The following SLC29A3 variants were observed in gnomAD, a reference collection of about 807,000 sequenced individuals.
The protein encoded by SLC29A3 is equilibrative nucleoside transporter 3.
In SLC29A3, 18 loss-of-function variants were observed where a neutral mutation model predicts 25.4. That is an observed-to-expected ratio of 0.71 (90% CI 0.49 to 1.05). SLC29A3 has a LOEUF of 1.05. Among genes scored for constraint, SLC29A3 ranks in the 50% least tolerant of loss-of-function variants. The pLI is 0.00. For synonymous variants in SLC29A3, 258 were observed against 267.1 expected (o/e 0.97, Z 0.33); for missense variants, 586 against 609.0 (o/e 0.96, Z 0.40).
rs1198226456 is a variant in SLC29A3, at chr10:71,362,730, C to T, written c.*122C>T. On this transcript the variant is annotated 3_prime_UTR_variant, in exon 6 of 6. Transcript: ENST00000373189. ...ACTTGGGGACAGAGAGCAGAGCACA[C>T]TCGGGCCTCATCCCTCCCAAGATGC... 1.5e-6 allele frequency: 2 copies of T among 1,334,950 alleles called. No individual in the cohort carries two copies. The highest frequency in any genetic ancestry group is 2.3e-5 in the East Asian group (1 of 42,608). The allele number at this position is 1,334,950 out of a possible 1,614,324, so 82.7% of individuals were successfully genotyped here.
At position 71,362,122 on chromosome 10, in the gene SLC29A3, C is replaced by T. The variant is rs371824043; in HGVS notation, c.942C>T (p.Tyr314=). 35 of 1,614,068 alleles carry T rather than the reference C, an allele frequency of 2.2e-5. No homozygotes were observed. The highest frequency in any genetic ancestry group is 1.6e-4 in the Middle Eastern group (1 of 6,084). ...KTASLGFCVT[Y]VFFITSLIYP... ...CCAGCCTGGGCTTCTGTGTCACCTA[C>T]GTCTTCTTCATCACCAGCCTCATCT... The change falls in exon 6 of 6, where the codon TAC becomes TAT. Residue 314 remains tyrosine (Y), a synonymous_variant. Transcript: ENST00000373189.
At chr10:71,327,668 T>C (rs72810339) in intron 2 of SLC29A3, among the ~76,000 whole-genome samples, 1 of 151,990 alleles carries the variant, frequency 6.6e-6, no homozygotes, top group Non-Finnish European at 1.5e-5. Flanking sequence ...TCATTCATAC[T>C]CAGAGAGTGG....
At chr10:71,352,649 C>G (rs764463868) in intron 4 of SLC29A3, 4 of 152,390 alleles carry the variant, frequency 2.6e-5, no homozygotes, top group Non-Finnish European at 5.9e-5. Flanking sequence ...AAACTCTCAC[C>G]CCCAGCACCC....
intron 4 of SLC29A3, among the ~76,000 whole-genome samples, chr10:71,355,383 G>A (rs1187159372): frequency 6.6e-6 from 1 of 152,218 alleles, no homozygotes; most frequent in African/African-American, 2.4e-5. Flanking sequence ...CCATTGGCAA[G>A]GAGAACATTC....
chr10:71,322,925 C>T lies in SLC29A3; in HGVS notation c.171C>T (p.Phe57=), dbSNP rs1703376604. Residue 57 remains phenylalanine, a synonymous_variant, in exon 2 of 6, where the codon TTC becomes TTT. Coordinates refer to ENST00000373189, the MANE Select transcript of SLC29A3 (RefSeq NM_018344.6). The part of the protein sequence containing the change: ...EDRFCGTYII[F]FSLGIGSLLP... Reference sequence around the variant, plus strand: ...GCTTCTGTGGCACATACATCATCTTCTTCAGCCTGGGCATTGGCAGTCTAC... The same window carrying T: ...GCTTCTGTGGCACATACATCATCTTTTTCAGCCTGGGCATTGGCAGTCTAC... 1 of 1,614,226 alleles carries T rather than the reference C, an allele frequency of 6.2e-7. No individual in the cohort carries two copies. The highest frequency in any genetic ancestry group is 8.5e-7 in the Non-Finnish European group (1 of 1,180,052).
intron 2 of SLC29A3, among the ~76,000 whole-genome samples, chr10:71,330,709 G>GAGGA (rs1159586333): frequency 2.6e-5 from 4 of 152,228 alleles, no homozygotes; most frequent in African/African-American, 4.8e-5. Flanking sequence ...GCTCCTGCAT[G>GAGGA]AGGACTTCAC....
intron 5 of SLC29A3, among the ~76,000 whole-genome samples, chr10:71,359,803 T>TAC (rs1170710013): frequency 1.3e-5 from 2 of 152,172 alleles, no homozygotes; most frequent in African/African-American, 4.8e-5. Context: ...AGTTACTGCT[T>TAC]ACACACACAC....
intron 5 of SLC29A3, among the ~76,000 whole-genome samples, 162 bp from the exon 6 acceptor site, chr10:71,361,792 G>A (rs1339840686): frequency 2.6e-5 from 4 of 152,144 alleles, no homozygotes; most frequent in South Asian, 2.1e-4. Flanking sequence ...TGGCCACCCC[G>A]TGACAGCATC....
At chr10:71,376,537 T>A (rs1425442665) in intron 4 of SLC29A3, among the ~76,000 whole-genome samples, 3 of 152,206 alleles carry the variant, frequency 2.0e-5, no homozygotes, top group Non-Finnish European at 4.4e-5. Flanking sequence ...AAGCAACCAA[T>A]AACAATGTCA....
rs147762666 is a variant in SLC29A3, at chr10:71,322,232, A to G, written c.2-524A>G. ...ATATTCTGTGCATATACAAATACAT[A>G]TGTGTATGTATATTTTCTCTCCCCA... On this transcript the variant is annotated intron_variant, in intron 1 of 5. Coordinates refer to ENST00000373189, the MANE Select transcript of SLC29A3 (RefSeq NM_018344.6). Among the ~76,000 whole-genome samples the G allele has an allele frequency of 1.6e-3, 248 of 152,176 alleles. 1 individual carries two copies. The highest frequency in any genetic ancestry group is 5.6e-3 in the African/African-American group (232 of 41,490).
intron 2 of SLC29A3, among the ~76,000 whole-genome samples, chr10:71,337,152 C>T (rs1235145253): frequency 1.3e-5 from 2 of 152,212 alleles, no homozygotes; most frequent in African/African-American, 2.4e-5. Flanking sequence ...CATTGCCCCC[C>T]TTCCCTGCCC....
chr10:71,339,090 A>G (rs541792290), intron 2 of SLC29A3, among the ~76,000 whole-genome samples: 24 of 152,292 alleles, frequency 1.6e-4, no homozygotes, highest in Non-Finnish European at 2.4e-4. Flanking sequence ...AGCACTCCCA[A>G]TGTGGACCTC....
intron 4 of SLC29A3, among the ~76,000 whole-genome samples, chr10:71,379,251 G>A (rs955037233): frequency 6.6e-6 from 1 of 152,226 alleles, no homozygotes; most frequent in Non-Finnish European, 1.5e-5. Context: ...GCAGGCAAGC[G>A]TTAAATGAAA....
intron 2 of SLC29A3, among the ~76,000 whole-genome samples, chr10:71,324,812 G>A (rs143440704): frequency 1.1e-3 from 163 of 152,248 alleles, no homozygotes; most frequent in African/African-American, 3.3e-3. Flanking sequence ...AAGGTGGGGG[G>A]ATGCTGGCTA....
chr10:71,332,127 C>A (rs1169362297), intron 2 of SLC29A3, among the ~76,000 whole-genome samples: 1 of 150,396 alleles, frequency 6.6e-6, no homozygotes, highest in Non-Finnish European at 1.5e-5. Flanking sequence ...TTTCTTTTTT[C>A]TTCTCTTTTC....
chr10:71,342,514 A>G (rs1413185302), intron 2 of SLC29A3, among the ~76,000 whole-genome samples: 1 of 152,276 alleles, frequency 6.6e-6, no homozygotes, highest in South Asian at 2.1e-4. Flanking sequence ...AAAAATTCTC[A>G]TTCAGGGAAC....
At chr10:71,378,514 T>A (rs892285576) in intron 4 of SLC29A3, among the ~76,000 whole-genome samples, 7 of 152,262 alleles carry the variant, frequency 4.6e-5, no homozygotes, top group Non-Finnish European at 8.8e-5. Context: ...CCTAGCTTCC[T>A]CATCCCTCAA....
At chr10:71,346,155 G>A (rs1846573131) in intron 3 of SLC29A3, among the ~76,000 whole-genome samples, 1 of 152,224 alleles carries the variant, frequency 6.6e-6, no homozygotes, top group Non-Finnish European at 1.5e-5. Context: ...TGCCTCTTCA[G>A]TGGTCTGGAG....
intron 5 of SLC29A3, among the ~76,000 whole-genome samples, chr10:71,360,998 T>C (rs1847039879): frequency 1.3e-5 from 2 of 152,242 alleles, no homozygotes; most frequent in Admixed American, 6.5e-5. Flanking sequence ...TTTACAGATA[T>C]TGTATTTAGG....
Sources: gnomAD v4.1 joint callset for allele counts (sites outside exome capture counted in the v4.1 genomes callset) on GRCh38, gnomAD v4.1.1 for gene constraint, MANE v1.5 for transcripts, NCBI Gene and HGNC (gene_info 2026-07-23, HGNC 2026-07-21) for gene names.